The following MPDZ variants were observed in gnomAD, a reference collection of about 807,000 sequenced individuals.
MPDZ encodes multiple PDZ domain protein.
In MPDZ, 234 loss-of-function variants were observed where a neutral mutation model predicts 239.1. The ratio of observed to expected loss-of-function variants is 0.98; its 90% CI spans 0.88 to 1.09. MPDZ has a LOEUF of 1.09. Ranked by LOEUF, MPDZ falls within the 50% of genes least tolerant of loss-of-function variation. The pLI is 0.00. For synonymous variants in MPDZ, 1,048 were observed against 881.3 expected (o/e 1.19, Z -3.35); for missense variants, 3,175 against 2,510.0 (o/e 1.26, Z -5.66).
chr9:13,129,238 G>GA (rs1405133573), intron 32 of MPDZ, among the ~76,000 whole-genome samples: 11 of 152,182 alleles, frequency 7.2e-5, no homozygotes, highest in African/African-American at 2.4e-4. Context: ...TGAGGCAGGT[G>GA]GATCACCTGA....
intron 10 of MPDZ, among the ~76,000 whole-genome samples, chr9:13,206,553 T>C (rs1299092676): frequency 6.6e-6 from 1 of 151,288 alleles, no homozygotes; most frequent in Non-Finnish European, 1.5e-5. Context: ...CACACGTGGC[T>C]ATTTTTTTTT....
intron 13 of MPDZ, among the ~76,000 whole-genome samples, chr9:13,195,373 A>G (rs942811961): frequency 6.6e-6 from 1 of 152,180 alleles, no homozygotes; most frequent in Non-Finnish European, 1.5e-5. Context: ...GGCACAAAGT[A>G]TGCTATAAAC....
At chr9:13,200,141 T>C (rs1055321745) in intron 12 of MPDZ, among the ~76,000 whole-genome samples, 1 of 151,974 alleles carries the variant, frequency 6.6e-6, no homozygotes, top group Non-Finnish European at 1.5e-5. Flanking sequence ...CCGTTCAAGT[T>C]TTCTATTTCT....
intron 39 of MPDZ, 49 bp from the exon 40 acceptor site, chr9:13,115,383 C>T (rs1239641061): frequency 2.1e-6 from 3 of 1,419,338 alleles, no homozygotes; most frequent in African/African-American, 2.8e-5. Flanking sequence ...AAATAAAATG[C>T]TATAATCATC....
intron 3 of MPDZ, among the ~76,000 whole-genome samples, chr9:13,234,281 T>G (rs1034435579): frequency 2.0e-5 from 3 of 152,106 alleles, no homozygotes; most frequent in Non-Finnish European, 4.4e-5. Context: ...ATACATATAT[T>G]CATTTAACTA....
intron 17 of MPDZ, among the ~76,000 whole-genome samples, chr9:13,187,338 T>C (rs1040745058): frequency 6.6e-6 from 1 of 152,110 alleles, no homozygotes; most frequent in Admixed American, 6.6e-5. Flanking sequence ...TATGGTTTCA[T>C]CTTAAGGACA....
chr9:13,109,027 C>A lies in MPDZ; in HGVS notation c.5975G>T (p.Arg1992Leu). ...PPQCKSITLE[R>L]GPDGLGFSIV... ...ACTGAAGCCTAAGCCATCTGGTCCTCGCTCTAGTGTAATAGACTTACATTG... is the reference window on the plus strand; with the variant it reads ...ACTGAAGCCTAAGCCATCTGGTCCTAGCTCTAGTGTAATAGACTTACATTG... The change falls in exon 46 of 47, where the codon CGA becomes CTA. Residue 1992 changes from arginine (R) to leucine (L), a missense_variant. By Grantham distance (102) the Arg-to-Leu change is moderately radical. Coordinates refer to ENST00000319217, the MANE Select transcript of MPDZ (RefSeq NM_001378778.1). 6.3e-7 allele frequency: 1 copy of A among 1,580,530 alleles called. No homozygotes were observed. The highest frequency in any genetic ancestry group is 2.3e-5 in the East Asian group (1 of 43,734).
chr9:13,191,481 AT>A (rs1220274808), intron 15 of MPDZ, among the ~76,000 whole-genome samples: 2 of 152,184 alleles, frequency 1.3e-5, no homozygotes, highest in Non-Finnish European at 2.9e-5. Flanking sequence ...ATACGAATGA[AT>A]GAAAAACAAT....
Position 13,160,867 on chromosome 9 carries a change from T to TATATATATATATATAA in MPDZ, c.3359+1823_3359+1824insTTATATATATATATAT, listed in dbSNP as rs1563931184. ...ATATATATATATATATATATATATA[T>TATATATATATATATAA]ATAAAACAGGTACTTACATAGCTTT... On this transcript the variant is annotated intron_variant, in intron 23 of 46. Transcript: ENST00000319217. Among the ~76,000 whole-genome samples, 4 of 128,702 alleles carry TATATATATATATATAA rather than the reference T, an allele frequency of 3.1e-5. No homozygotes were observed. The South Asian group carries it at 7.5e-4, about 24-fold the overall frequency. The allele number at this position is 128,702 out of a possible 152,430, so 84.4% of individuals were successfully genotyped here. A position where few individuals can be genotyped will look rare whatever the true frequency, so the allele number is the denominator to read the frequency against.
chr9:13,166,767 A>T (rs1951134254), intron 22 of MPDZ, among the ~76,000 whole-genome samples: 1 of 152,128 alleles, frequency 6.6e-6, no homozygotes, highest in Non-Finnish European at 1.5e-5. Flanking sequence ...CTGCTGAATC[A>T]GTGGGAGAGG....
chr9:13,129,731 A>G (rs1945674790), intron 32 of MPDZ, among the ~76,000 whole-genome samples: 1 of 152,050 alleles, frequency 6.6e-6, no homozygotes, highest in African/African-American at 2.4e-5. Context: ...TTCTGTTTTA[A>G]AATATTATTT....
intron 39 of MPDZ, among the ~76,000 whole-genome samples, chr9:13,116,643 G>A (rs191903815): frequency 2.6e-5 from 4 of 152,188 alleles, no homozygotes; most frequent in Admixed American, 6.5e-5. Context: ...AAGTCCATAC[G>A]TTATTCACTG....
intron 10 of MPDZ, among the ~76,000 whole-genome samples, chr9:13,212,053 A>G (rs922011658): frequency 1.3e-5 from 2 of 152,126 alleles, no homozygotes; most frequent in African/African-American, 2.4e-5. Context: ...ATAGAACTTT[A>G]GGCTGTTTTT....
intron 11 of MPDZ, among the ~76,000 whole-genome samples, chr9:13,205,604 C>A (rs1165251979): frequency 3.3e-5 from 5 of 152,042 alleles, no homozygotes; most frequent in Admixed American, 3.3e-4. Flanking sequence ...GCAATGACAT[C>A]CAGAAGTAAG....
In MPDZ at chr9:13,192,108, CCTCATGTATG is replaced by C. The variant is rs1488372209; in HGVS notation, c.1968+13_1968+22del. ...CCTTTCCATTATATATGTAGGTTAGCCTCATGTATGCAAATCTGATACCTTTTCTGTTAGC... is the reference window on the plus strand; with the variant it reads ...CCTTTCCATTATATATGTAGGTTAGCCAAATCTGATACCTTTTCTGTTAGC... On this transcript the variant is annotated intron_variant, in intron 15 of 46. Transcript: ENST00000319217. 1 of 1,556,488 alleles carries C rather than the reference CCTCATGTATG, an allele frequency of 6.4e-7. No individual in the cohort carries two copies. The highest frequency in any genetic ancestry group is 8.7e-7 in the Non-Finnish European group (1 of 1,149,570).
intron 12 of MPDZ, 86 bp downstream of exon 12, chr9:13,204,950 C>G (rs929447527): frequency 2.3e-6 from 2 of 859,286 alleles, no homozygotes; most frequent in African/African-American, 3.6e-5. Flanking sequence ...TACAATATAT[C>G]CATAGAGGCT....
Position 13,221,373 on chromosome 9 carries a change from T to C in MPDZ, c.875A>G (p.Gln292Arg), listed in dbSNP as rs1409215292. 2 of 1,607,182 alleles carry C rather than the reference T, an allele frequency of 1.2e-6. No homozygotes were observed. The highest frequency in any genetic ancestry group is 2.2e-5 in the South Asian group (2 of 89,944). ...AAAAGATCTATTGATGTAGCCTACC[T>C]GATCAGCTACTCCTCCAGGCAGAAT... The part of the protein sequence containing the change: ...KTILPGGVAD[Q>R]HGRLCSGDHI... The change falls in exon 7 of 47, where the codon CAG (glutamine) becomes CGG (arginine). Residue 292 changes from glutamine to arginine, a missense_variant and splice_region_variant. Gln to Arg is a conservative substitution (Grantham distance 43, BLOSUM62 1). Transcript: ENST00000319217.
At chr9:13,178,384 T>C (rs1369536598) in intron 19 of MPDZ, among the ~76,000 whole-genome samples, 4 of 152,156 alleles carry the variant, frequency 2.6e-5, no homozygotes, top group African/African-American at 9.6e-5. Context: ...GGCAATCTGA[T>C]TTGTAAGAAA....
At chr9:13,109,601 G>C (rs1332389392) in intron 45 of MPDZ, among the ~76,000 whole-genome samples, 1 of 152,082 alleles carries the variant, frequency 6.6e-6, no homozygotes, top group African/African-American at 2.4e-5. Context: ...TAGATGAATA[G>C]GCAGTGCGGG....
Sources: gnomAD v4.1 joint callset for allele counts (sites outside exome capture counted in the v4.1 genomes callset) on GRCh38, gnomAD v4.1.1 for gene constraint, MANE v1.5 for transcripts, NCBI Gene and HGNC (gene_info 2026-07-23, HGNC 2026-07-21) for gene names.